ACTR2: variants seen among roughly 807,000 people sequenced by gnomAD.
The protein encoded by ACTR2 is actin-related protein 2.
In ACTR2, 5 loss-of-function variants were observed where a neutral mutation model predicts 50.2. The observed-to-expected ratio is 0.10, with a 90% CI of 0.05 to 0.21. ACTR2 has a LOEUF of 0.21. ACTR2 is among the 10% of genes least tolerant of loss of function. The pLI, the probability that ACTR2 is intolerant of heterozygous loss-of-function variation, is 1.00. For missense variants in ACTR2, 180 were observed against 480.6 expected, an observed-to-expected ratio of 0.37 and a Z score of 5.85; for synonymous variants, 140 against 162.9, an observed-to-expected ratio of 0.86 and a Z score of 1.07.
intron 1 of ACTR2, among the ~76,000 whole-genome samples, chr2:65,231,236 T>A (rs1671631853): frequency 6.6e-6 from 1 of 152,186 alleles, no homozygotes; most frequent in Non-Finnish European, 1.5e-5. Context: ...TTTATGCAGA[T>A]TTTCTATGGA....
rs760292620 is a variant in ACTR2, at chr2:65,239,917, A to G, written c.114A>G (p.Arg38=). Residue 38 remains arginine, a synonymous_variant, in exon 2 of 9, where the codon AGA becomes AGG. Transcript: ENST00000260641. ...ACATCTTCCCAGCTTTGGTTGGAAG[A>G]CCTATTATCAGATCAACCACCAAAG... ...PEHIFPALVG[R]PIIRSTTKVG... 2 of 1,613,148 alleles carry G rather than the reference A, an allele frequency of 1.2e-6. No individual in the cohort carries two copies. The highest frequency in any genetic ancestry group is 2.2e-5 in the East Asian group (1 of 44,838).
At position 65,270,634 on chromosome 2, in the gene ACTR2, A is replaced by T. The variant is rs937628876; in HGVS notation, c.*1900A>T. Reference sequence around the variant, plus strand: ...GCTCCTTTGGTCATAATTTTAAAATATGGGAGTAGAAAACAACAAAGAATG... The same window carrying T: ...GCTCCTTTGGTCATAATTTTAAAATTTGGGAGTAGAAAACAACAAAGAATG... On this transcript the variant is annotated 3_prime_UTR_variant, in exon 9 of 9. Transcript: ENST00000260641. 5 of 152,218 alleles carry T rather than the reference A, an allele frequency of 3.3e-5. No homozygotes were observed. The highest frequency in any genetic ancestry group is 1.2e-4 in the African/African-American group (5 of 41,450). The allele number at this position is 152,218 out of a possible 1,614,324, so 9.4% of individuals were successfully genotyped here. A position where few individuals can be genotyped will look rare whatever the true frequency, so the allele number is the denominator to read the frequency against.
At chr2:65,256,932 T>A (rs1162786321) in intron 6 of ACTR2, among the ~76,000 whole-genome samples, 1 of 151,638 alleles carries the variant, frequency 6.6e-6, no homozygotes. Flanking sequence ...TAAACCCCCA[T>A]TTAAAATTTT....
At chr2:65,248,733 A>G (rs1558624286) in intron 3 of ACTR2, among the ~76,000 whole-genome samples, 1 of 152,004 alleles carries the variant, frequency 6.6e-6, no homozygotes, top group East Asian at 1.9e-4. Context: ...GGAGATTGAA[A>G]ACGTTATTGA....
chr2:65,242,100 A>C, intron 2 of ACTR2: 1 of 1,509,670 alleles, frequency 6.6e-7, no homozygotes, highest in Admixed American at 1.7e-5. Flanking sequence ...TTTGTTTTCC[A>C]CTTTTGCTTG....
At chr2:65,228,228 C>G (rs976971657) in intron 1 of ACTR2, 1 of 369,226 alleles carries the variant, frequency 2.7e-6, no homozygotes, top group Admixed American at 4.7e-5. Context: ...ACTGACCGCC[C>G]GGCAGGGACC....
intron 2 of ACTR2, 72 bp downstream of exon 2, chr2:65,240,034 C>A (rs1671812036): frequency 5.8e-6 from 6 of 1,035,750 alleles, no homozygotes; most frequent in South Asian, 5.7e-5. Flanking sequence ...TTTAACAGTT[C>A]TTTTAAGTAG....
At chr2:65,261,132 T>C (rs1672261355) in intron 6 of ACTR2, 115 bp from the exon 7 acceptor site, 5 of 967,896 alleles carry the variant, frequency 5.2e-6, no homozygotes, top group East Asian at 2.6e-5. Flanking sequence ...GAAAAATTGT[T>C]GTTGGTAATG....
At chr2:65,246,242 C>G in intron 2 of ACTR2, 1 of 228,910 alleles carries the variant, frequency 4.4e-6, no homozygotes, top group Non-Finnish European at 8.4e-6. Flanking sequence ...ACAAAACCCT[C>G]CAAAATATGA....
rs1266925633 is a variant in ACTR2, at chr2:65,227,843, A to G, written c.-67A>G. On this transcript the variant is annotated 5_prime_UTR_variant, in exon 1 of 9. Coordinates refer to ENST00000260641, the MANE Select transcript of ACTR2 (RefSeq NM_005722.4). Reference sequence around the variant, plus strand: ...GGGCCGGGAAGACGCAAGAGGAAGAAGAGAAAACGGCCGGGCGGCGGTGGC... The same window carrying G: ...GGGCCGGGAAGACGCAAGAGGAAGAGGAGAAAACGGCCGGGCGGCGGTGGC... 1.4e-6 allele frequency: 2 copies of G among 1,477,858 alleles called. No individual in the cohort carries two copies. Among genetic ancestry groups the G allele is most frequent in the African/African-American group, 1.5e-5 (1 of 67,976 alleles). 91.5% of individuals were successfully genotyped at this position (1,477,858 alleles called of 1,614,324 possible). A position where few individuals can be genotyped will look rare whatever the true frequency, so the allele number is the denominator to read the frequency against.
At chr2:65,264,920 A>G (rs532711285) in intron 7 of ACTR2, 123 bp from the exon 8 acceptor site, 50 of 1,098,686 alleles carry the variant, frequency 4.6e-5, no homozygotes, top group African/African-American at 9.4e-5. Flanking sequence ...CAGCCCTGTG[A>G]TTTACATGTG....
chr2:65,261,115 A>T, intron 6 of ACTR2, 132 bp from the exon 7 acceptor site: 1 of 835,428 alleles, frequency 1.2e-6, no homozygotes. Flanking sequence ...CCCCAAATAT[A>T]TTTTAGGAAA....
chr2:65,253,300 G>C (rs964270781), intron 4 of ACTR2, among the ~76,000 whole-genome samples: 4 of 152,174 alleles, frequency 2.6e-5, no homozygotes, highest in Admixed American at 2.6e-4. Flanking sequence ...AAATTAGCCA[G>C]GCATGGTGGT....
chr2:65,264,957 C>A, intron 7 of ACTR2, 86 bp from the exon 8 acceptor site: 1 of 1,488,842 alleles, frequency 6.7e-7, no homozygotes, highest in Non-Finnish European at 9.3e-7. Flanking sequence ...TCCCAGCAAC[C>A]CCGAGGCTGA....
chr2:65,255,759 G>A, intron 6 of ACTR2, 65 bp downstream of exon 6: 2 of 1,416,384 alleles, frequency 1.4e-6, no homozygotes, highest in Non-Finnish European at 1.9e-6. Flanking sequence ...ATTGGTGTCA[G>A]CTTAAGGAGG....
At chr2:65,228,215 C>T in intron 1 of ACTR2, 2 of 380,670 alleles carry the variant, frequency 5.3e-6, no homozygotes, top group Admixed American at 4.6e-5. Context: ...GGACATGGAG[C>T]CTACTGACCG....
chr2:65,229,456 A>G (rs1671593748), intron 1 of ACTR2, among the ~76,000 whole-genome samples: 2 of 152,066 alleles, frequency 1.3e-5, no homozygotes, highest in African/African-American at 4.8e-5. Context: ...GAGTAAAAAG[A>G]GTGTTAACGT....
intron 1 of ACTR2, among the ~76,000 whole-genome samples, chr2:65,238,212 G>C (rs934352083): frequency 5.9e-5 from 9 of 151,920 alleles, no homozygotes; most frequent in Non-Finnish European, 8.8e-5. Context: ...AAAAGCTCTT[G>C]ATTCTCTCAA....
chr2:65,258,639 C>T lies in ACTR2; in HGVS notation c.736-2608C>T, dbSNP rs192122464. Among the ~76,000 whole-genome samples, 4 of 152,216 alleles carry T rather than the reference C, an allele frequency of 2.6e-5. No homozygotes were observed. The East Asian group carries it at 5.8e-4, about 22-fold the overall frequency. ...TATTTGATATATATATGCACACACA[C>T]ACATATACACAAGTATAAAGTAATA... On this transcript the variant is annotated intron_variant, in intron 6 of 8. Transcript: ENST00000260641.
Sources: gnomAD v4.1 joint callset for allele counts (sites outside exome capture counted in the v4.1 genomes callset) on GRCh38, gnomAD v4.1.1 for gene constraint, MANE v1.5 for transcripts, NCBI Gene and HGNC (gene_info 2026-07-23, HGNC 2026-07-21) for gene names.